The following SPTLC2 variants were observed in gnomAD, a reference collection of about 807,000 sequenced individuals.
SPTLC2 encodes the protein serine palmitoyltransferase 2.
SPTLC2 carries 21 observed loss-of-function variants against 62.0 expected under a neutral mutation model. That is an observed-to-expected ratio of 0.34 (90% CI 0.24 to 0.49). SPTLC2 has a LOEUF of 0.49. Among genes scored for constraint, SPTLC2 ranks in the 20% least tolerant of loss-of-function variants. SPTLC2 has a pLI of 0.99. For missense variants in SPTLC2, 511 were observed against 713.0 expected, an observed-to-expected ratio of 0.72 and a Z score of 3.23; for synonymous variants, 261 against 261.8, an observed-to-expected ratio of 1.00 and a Z score of 0.03.
rs923916286 is a variant in SPTLC2, at chr14:77,509,687, T to C, written c.*2597A>G. The C allele has an allele frequency of 1.3e-5, 5 of 391,594 alleles. No homozygotes were observed. Among genetic ancestry groups the C allele is most frequent in the African/African-American group, 1.0e-4 (5 of 48,510 alleles). The allele number at this position is 391,594 out of a possible 1,614,324, so 24.3% of individuals were successfully genotyped here. A position where few individuals can be genotyped will look rare whatever the true frequency, so the allele number is the denominator to read the frequency against. Reference sequence around the variant, plus strand: ...TTCCTCCAAGTACTTGGATAAATGATGATACCTAGGATATGACTGGACCCT... The same window carrying C: ...TTCCTCCAAGTACTTGGATAAATGACGATACCTAGGATATGACTGGACCCT... On this transcript the variant is annotated 3_prime_UTR_variant, in exon 12 of 12. Coordinates refer to ENST00000216484, the MANE Select transcript of SPTLC2 (RefSeq NM_004863.4).
chr14:77,585,955 A>T (rs1002306087), intron 2 of SPTLC2, among the ~76,000 whole-genome samples: 2 of 152,268 alleles, frequency 1.3e-5, no homozygotes, highest in Non-Finnish European at 2.9e-5. Flanking sequence ...AAGACTCAGA[A>T]AAACCTTAAT....
In SPTLC2 at chr14:77,512,184, C is replaced by T. The variant is rs535135686; in HGVS notation, c.*100G>A. 92 of 1,566,548 alleles carry T rather than the reference C, an allele frequency of 5.9e-5. 1 individual carries two copies. In the Middle Eastern group the frequency reaches 1.6e-3, roughly 27 times the overall value. ...TCAGTAGCTGAGGCAATGTCTTTCA[C>T]GTGAGATGGCCACAGAAGTGTGGTT... On this transcript the variant is annotated 3_prime_UTR_variant, in exon 12 of 12. Transcript: ENST00000216484.
intron 1 of SPTLC2, among the ~76,000 whole-genome samples, chr14:77,598,061 G>A (rs766249282): frequency 2.0e-5 from 3 of 150,550 alleles, no homozygotes; most frequent in African/African-American, 7.3e-5. Context: ...GATGGAAGTT[G>A]TGGGGAGCCG....
chr14:77,591,897 G>A (rs2079819763), intron 2 of SPTLC2, among the ~76,000 whole-genome samples: 1 of 151,764 alleles, frequency 6.6e-6, no homozygotes, highest in Non-Finnish European at 1.5e-5. Flanking sequence ...GATAATTCTT[G>A]TATTTTTAGT....
intron 2 of SPTLC2, among the ~76,000 whole-genome samples, chr14:77,583,235 AAAT>A (rs1427292764): frequency 1.3e-5 from 2 of 150,724 alleles, no homozygotes; most frequent in African/African-American, 2.4e-5. Flanking sequence ...ATAAATAAAT[AAAT>A]AAAAATAATA....
At chr14:77,530,031 ATTAAT>A (rs956918715) in intron 9 of SPTLC2, among the ~76,000 whole-genome samples, 1 of 152,200 alleles carries the variant, frequency 6.6e-6, no homozygotes, top group Non-Finnish European at 1.5e-5. Context: ...GTTGATTTAT[ATTAAT>A]TTAAATTAAG....
chr14:77,532,220 A>G (rs2079444302), intron 9 of SPTLC2, among the ~76,000 whole-genome samples: 1 of 152,204 alleles, frequency 6.6e-6, no homozygotes, highest in Non-Finnish European at 1.5e-5. Flanking sequence ...GTGTTAGGAA[A>G]ACAGCACTTC....
chr14:77,600,172 T>C (rs1215466997), intron 1 of SPTLC2, among the ~76,000 whole-genome samples: 1 of 152,172 alleles, frequency 6.6e-6, no homozygotes, highest in East Asian at 1.9e-4. Flanking sequence ...CTGGACTCTC[T>C]AGGAAGGAGG....
chr14:77,506,631 A>G lies in SPTLC2; in HGVS notation c.*5653T>C, dbSNP rs1194393924. The G allele has an allele frequency of 6.6e-6, 1 of 152,236 alleles. No homozygotes were observed. The allele number at this position is 152,236 out of a possible 1,614,324, so 9.4% of individuals were successfully genotyped here. The stretch of plus-strand genomic sequence containing the variant: ...AAGGGTAAAGACACCACGCCACCCT[A>G]GTCAGTGACATGTACTCCACTTTCC... On this transcript the variant is annotated 3_prime_UTR_variant, in exon 12 of 12. Transcript: ENST00000216484.
intron 5 of SPTLC2, among the ~76,000 whole-genome samples, chr14:77,564,838 A>G (rs73303265): frequency 0.094 from 13,877 of 147,158 alleles, 659 homozygotes; most frequent in Non-Finnish European, 0.11. Flanking sequence ...ATATTCACAA[A>G]CCCACAACGA....
intron 9 of SPTLC2, among the ~76,000 whole-genome samples, chr14:77,527,493 T>C (rs1386598860): frequency 6.6e-6 from 1 of 152,206 alleles, no homozygotes; most frequent in Admixed American, 6.5e-5. Context: ...CAGAATTAGA[T>C]TTAGGGAACT....
chr14:77,608,029 GTCTCACAGC>G (rs2079914182), intron 1 of SPTLC2, among the ~76,000 whole-genome samples: 2 of 152,156 alleles, frequency 1.3e-5, no homozygotes, highest in African/African-American at 4.8e-5. Flanking sequence ...ACCAACCGGC[GTCTCACAGC>G]TGAAGCCCTT....
intron 8 of SPTLC2, 98 bp downstream of exon 8, chr14:77,555,202 G>C: frequency 7.0e-7 from 1 of 1,438,418 alleles, no homozygotes; most frequent in South Asian, 1.2e-5. Context: ...GCAAATTTGC[G>C]GACATCCCAG....
intron 1 of SPTLC2, among the ~76,000 whole-genome samples, chr14:77,608,827 G>A (rs572725655): frequency 1.3e-5 from 2 of 151,542 alleles, no homozygotes; most frequent in South Asian, 2.1e-4. Flanking sequence ...GCTGAGACAG[G>A]AGAATCATTT....
At chr14:77,603,540 T>G (rs1367528383) in intron 1 of SPTLC2, among the ~76,000 whole-genome samples, 2 of 152,216 alleles carry the variant, frequency 1.3e-5, no homozygotes, top group Non-Finnish European at 2.9e-5. Flanking sequence ...TCCAGAAGTG[T>G]CTCCTTTTTT....
chr14:77,571,791 CT>C (rs544966954), intron 4 of SPTLC2, among the ~76,000 whole-genome samples: 6 of 152,060 alleles, frequency 3.9e-5, no homozygotes, highest in Admixed American at 1.3e-4. Flanking sequence ...TACGTTTGAG[CT>C]TTTTTTCTTT....
chr14:77,551,566 A>G (rs2079555948), intron 9 of SPTLC2, among the ~76,000 whole-genome samples: 1 of 152,202 alleles, frequency 6.6e-6, no homozygotes, highest in African/African-American at 2.4e-5. Flanking sequence ...GAAAGTGAAC[A>G]CTGAACTTCA....
At chr14:77,598,730 G>A (rs1038109945) in intron 1 of SPTLC2, among the ~76,000 whole-genome samples, 71 of 152,216 alleles carry the variant, frequency 4.7e-4, no homozygotes, top group African/African-American at 1.6e-3. Flanking sequence ...CCAGGAGTTT[G>A]AGACCAGCCT....
rs1311472442 is a variant in SPTLC2 at position 77,511,049 on chromosome 14, A to G, written c.*1235T>C. The G allele has an allele frequency of 6.6e-6, 1 of 152,408 alleles. No individual in the cohort carries two copies. The highest frequency in any genetic ancestry group is 1.9e-4 in the East Asian group (1 of 5,200). The allele number at this position is 152,408 out of a possible 1,614,324, so 9.4% of individuals were successfully genotyped here. Reference sequence around the variant, plus strand: ...AAATGTCAGTTTAGGAAAGAGATCTATGTGTTCAGAATTTCTCAGAAAAAA... The same window carrying G: ...AAATGTCAGTTTAGGAAAGAGATCTGTGTGTTCAGAATTTCTCAGAAAAAA... On this transcript the variant is annotated 3_prime_UTR_variant, in exon 12 of 12. Coordinates refer to ENST00000216484, the MANE Select transcript of SPTLC2 (RefSeq NM_004863.4).
Sources: allele counts gnomAD v4.1 joint callset (sites outside exome capture counted in the v4.1 genomes callset), GRCh38; gene constraint gnomAD v4.1.1; transcripts MANE v1.5; gene names NCBI Gene and HGNC (gene_info 2026-07-23, HGNC 2026-07-21).